Variants in ANTXRL observed in about 807,000 individuals in gnomAD.
ANTXRL encodes the protein ANTXR like.
In ANTXRL, 63 loss-of-function variants were observed where a neutral mutation model predicts 75.4. The ratio of observed to expected loss-of-function variants is 0.84; its 90% CI spans 0.68 to 1.03. The LOEUF (loss-of-function observed/expected upper bound fraction) is 1.03, where lower values mean the gene tolerates loss of function less well. Ranked by LOEUF, ANTXRL falls within the 50% of genes least tolerant of loss-of-function variation. The pLI is 0.00. For synonymous variants in ANTXRL, 335 were observed against 291.3 expected (o/e 1.15, Z -1.53); for missense variants, 797 against 789.4 (o/e 1.01, Z -0.12).
At position 46,297,311 on chromosome 10, in the gene ANTXRL, C is replaced by A; in HGVS notation, c.568C>A (p.Gln190Lys). 2 of 1,536,522 alleles carry A rather than the reference C, an allele frequency of 1.3e-6. No homozygotes were observed. The highest frequency in any genetic ancestry group is 1.7e-6 in the Non-Finnish European group (2 of 1,146,860). ...TDGELVAHAF[Q>K]DTLREAQKAR... ...TGGAGAACTGGTGGCACATGCATTT[C>A]AGGACACTCTCAGAGAAGTGAGTCC... The change falls in exon 6 of 17, where the codon CAG (glutamine) becomes AAG (lysine). Residue 190 changes from glutamine to lysine, a missense_variant. Gln to Lys is a moderately conservative substitution (Grantham distance 53). Around this residue, in one of 3 missense-constraint regions of ANTXRL, gnomAD observed 262 missense variants for 271.9 expected, o/e 0.96. Transcript: ENST00000620264.
intron 9 of ANTXRL, among the ~76,000 whole-genome samples, chr10:46,299,891 C>T (rs1270841747): frequency 6.6e-6 from 1 of 152,184 alleles, no homozygotes; most frequent in Non-Finnish European, 1.5e-5. Flanking sequence ...TCCCCGACCC[C>T]GCCTCTCCCC....
intron 16 of ANTXRL, among the ~76,000 whole-genome samples, chr10:46,325,145 G>GC (rs34381563): frequency 0.52 from 78,450 of 151,598 alleles, 21,301 homozygotes; most frequent in Admixed American, 0.63. Flanking sequence ...GTTTTGGGGA[G>GC]AGTTTACTAG....
chr10:46,312,211 G>A (rs1283483675), intron 15 of ANTXRL, among the ~76,000 whole-genome samples: 25 of 151,516 alleles, frequency 1.6e-4, no homozygotes, highest in East Asian at 5.8e-4. Context: ...TGGGCTTGTC[G>A]CCTGCTGAGA....
intron 16 of ANTXRL, among the ~76,000 whole-genome samples, chr10:46,328,468 C>A (rs1173643793): frequency 6.6e-6 from 1 of 152,050 alleles, no homozygotes; most frequent in Non-Finnish European, 1.5e-5. Flanking sequence ...ATATTACAGG[C>A]AGGAAGAAGA....
intron 14 of ANTXRL, 24 bp from the exon 15 acceptor site, chr10:46,311,486 A>G (rs1838418150): frequency 1.3e-6 from 2 of 1,517,858 alleles, no homozygotes; most frequent in South Asian, 2.5e-5. Flanking sequence ...CACTGTGAGC[A>G]GACAGTTGTT....
At chr10:46,297,546 A>T (rs4542339) in intron 7 of ANTXRL, 72 bp downstream of exon 7, 2 of 1,470,182 alleles carry the variant, frequency 1.4e-6, no homozygotes, top group Non-Finnish European at 9.2e-7. Context: ...GTCCCGGGCC[A>T]CCCCAAGGAC....
At chr10:46,309,577 G>T (rs1281965085) in intron 13 of ANTXRL, among the ~76,000 whole-genome samples, 1 of 152,230 alleles carries the variant, frequency 6.6e-6, no homozygotes, top group Non-Finnish European at 1.5e-5. Flanking sequence ...CTGTGTGGAG[G>T]GAGGAAGAGA....
At chr10:46,322,076 T>G (rs1321951807) in intron 16 of ANTXRL, among the ~76,000 whole-genome samples, 1 of 151,958 alleles carries the variant, frequency 6.6e-6, no homozygotes, top group African/African-American at 2.4e-5. Context: ...GGAAACACAT[T>G]TTCTGATAAT....
At chr10:46,294,959 C>T (rs1392562597) in intron 3 of ANTXRL, among the ~76,000 whole-genome samples, 1 of 152,160 alleles carries the variant, frequency 6.6e-6, no homozygotes, top group African/African-American at 2.4e-5. Flanking sequence ...TTGAATTAGC[C>T]TGACCCTAAG....
At chr10:46,307,646 G>T (rs1405168818) in intron 12 of ANTXRL, among the ~76,000 whole-genome samples, 166 bp downstream of exon 12, 8 of 152,194 alleles carry the variant, frequency 5.3e-5, no homozygotes, top group African/African-American at 1.9e-4. Context: ...GCAGGTGGGT[G>T]AGGCTGGGAG....
At chr10:46,291,478 TAGAG>T (rs1836980422) in intron 1 of ANTXRL, among the ~76,000 whole-genome samples, 1 of 152,062 alleles carries the variant, frequency 6.6e-6, no homozygotes, top group Non-Finnish European at 1.5e-5. Flanking sequence ...AAAAATGCTG[TAGAG>T]ATTTTGATAC....
intron 1 of ANTXRL, among the ~76,000 whole-genome samples, chr10:46,288,810 T>C (rs1836863143): frequency 6.6e-6 from 1 of 152,104 alleles, no homozygotes; most frequent in Non-Finnish European, 1.5e-5. Context: ...GAGGCCCTGA[T>C]GTAATCCCAG....
chr10:46,297,573 C>T lies in ANTXRL; in HGVS notation c.654+99C>T. Reference sequence around the variant, plus strand: ...CCCAAGGACGGTTGTCTAAGCTGCCCCAAGTGAGTTGGGCCAACTCATGGC... The same window carrying T: ...CCCAAGGACGGTTGTCTAAGCTGCCTCAAGTGAGTTGGGCCAACTCATGGC... On this transcript the variant is annotated intron_variant, in intron 7 of 16. Coordinates refer to ENST00000620264, the MANE Select transcript of ANTXRL (RefSeq NM_001278688.3). 3.1e-6 allele frequency: 4 copies of T among 1,290,618 alleles called. No homozygotes were observed. In the South Asian group the frequency reaches 5.3e-5, roughly 17 times the overall value. 79.9% of individuals were successfully genotyped at this position (1,290,618 alleles called of 1,614,324 possible).
intron 14 of ANTXRL, 52 bp from the exon 15 acceptor site, chr10:46,311,458 A>G: frequency 6.7e-7 from 1 of 1,484,908 alleles, no homozygotes; most frequent in Non-Finnish European, 8.9e-7. Flanking sequence ...GGGAGTGGCC[A>G]GCACTGTGCC....
In ANTXRL at chr10:46,311,628, G is replaced by C. The variant is rs1554963553; in HGVS notation, c.1292G>C (p.Cys431Ser). 1 of 1,319,638 alleles carries C rather than the reference G, an allele frequency of 7.6e-7. No homozygotes were observed. Among genetic ancestry groups the C allele is most frequent in the Non-Finnish European group, 1.1e-6 (1 of 949,202 alleles). 81.7% of individuals were successfully genotyped at this position (1,319,638 alleles called of 1,614,324 possible). A position where few individuals can be genotyped will look rare whatever the true frequency, so the allele number is the denominator to read the frequency against. The change falls in exon 15 of 17, where the codon TGT becomes TCT. Residue 431 changes from cysteine (C) to serine (S), a missense_variant. Around this residue, in one of 3 missense-constraint regions of ANTXRL, gnomAD observed 479 missense variants for 422.0 expected, o/e 1.14. Transcript: ENST00000620264. Reference sequence around the variant, plus strand: ...TGCCCCACTGTGATTATTTGTTGCTGTGGATGCCAAGGAGTGGGCGGGATG... The same window carrying C: ...TGCCCCACTGTGATTATTTGTTGCTCTGGATGCCAAGGAGTGGGCGGGATG... ...NTCPTVIICC[C>S]GCQGVGGMRR...
At chr10:46,307,605 T>C in intron 12 of ANTXRL, 125 bp downstream of exon 12, 1 of 932,640 alleles carries the variant, frequency 1.1e-6, no homozygotes, top group East Asian at 2.7e-5. Flanking sequence ...AGCAGGCACC[T>C]GAGGCTGCTC....
intron 16 of ANTXRL, among the ~76,000 whole-genome samples, chr10:46,322,926 A>G (rs1255064498): frequency 6.6e-6 from 1 of 152,194 alleles, no homozygotes; most frequent in Non-Finnish European, 1.5e-5. Context: ...ATTCAGGTTC[A>G]GTTTTACAGG....
At chr10:46,313,772 C>T (rs530168294) in intron 16 of ANTXRL, among the ~76,000 whole-genome samples, 1 of 152,286 alleles carries the variant, frequency 6.6e-6, no homozygotes, top group South Asian at 2.1e-4. Flanking sequence ...CTGTTTTTAT[C>T]CTCCCAGTAA....
At chr10:46,286,887 C>T (rs541720899), upstream of ANTXRL, 1 of 281,156 alleles carries the variant, frequency 3.6e-6, no homozygotes, top group East Asian at 8.9e-5. Context: ...ATGGAGGCTT[C>T]CTCTTGTAGC....
Sources: allele counts gnomAD v4.1 joint callset (sites outside exome capture counted in the v4.1 genomes callset), GRCh38; gene constraint gnomAD v4.1.1; regional missense constraint gnomAD v4.1.1; transcripts MANE v1.5; gene names NCBI Gene and HGNC (gene_info 2026-07-23, HGNC 2026-07-21).